The following ANKS1B variants were observed in gnomAD, a reference collection of about 807,000 sequenced individuals.
ANKS1B encodes the protein ankyrin repeat and sterile alpha motif domain containing 1B.
ANKS1B carries 36 observed loss-of-function variants against 148.3 expected under a neutral mutation model. The observed-to-expected ratio is 0.24, with a 90% CI of 0.19 to 0.32. ANKS1B has a LOEUF of 0.32. Among genes scored for constraint, ANKS1B ranks in the 10% least tolerant of loss-of-function variants. The pLI is 1.00. For missense variants in ANKS1B, 1,157 were observed against 1,542.6 expected, an observed-to-expected ratio of 0.75 and a Z score of 4.19; for synonymous variants, 542 against 560.8, an observed-to-expected ratio of 0.97 and a Z score of 0.47.
intron 12 of ANKS1B, among the ~76,000 whole-genome samples, chr12:99,276,827 A>C (rs1388006261): frequency 1.3e-5 from 2 of 152,232 alleles, no homozygotes; most frequent in African/African-American, 4.8e-5. Context: ...ATTGTGCTAC[A>C]TATCAGTCAG....
chr12:99,222,008 C>T (rs1022632980), intron 14 of ANKS1B, among the ~76,000 whole-genome samples: 6 of 151,926 alleles, frequency 3.9e-5, no homozygotes, highest in Non-Finnish European at 5.9e-5. Flanking sequence ...ATTCACACAA[C>T]TAAATACCAG....
At chr12:98,989,925 GAGAA>G (rs1194217532) in intron 17 of ANKS1B, among the ~76,000 whole-genome samples, 1 of 144,326 alleles carries the variant, frequency 6.9e-6, no homozygotes, top group Non-Finnish European at 1.5e-5. Flanking sequence ...AAGAAAGAAA[GAGAA>G]AGAAAGAGAA....
intron 9 of ANKS1B, among the ~76,000 whole-genome samples, chr12:99,580,668 T>G (rs2097561972): frequency 6.6e-6 from 1 of 152,186 alleles, no homozygotes; most frequent in Non-Finnish European, 1.5e-5. Flanking sequence ...AGGAATAAGT[T>G]CTATTGTTCA....
rs71782750 is a variant in ANKS1B at position 98,957,311 on chromosome 12, ATATTTATTTATT to A, written c.2778+95834_2778+95845del. 6.1e-3 allele frequency among the ~76,000 whole-genome samples: 875 copies of A among 143,926 alleles called. 9 individuals carry two copies. Among genetic ancestry groups the A allele is most frequent in the African/African-American group, 0.013 (497 of 39,482 alleles). 94.4% of individuals were successfully genotyped at this position (143,926 alleles called of 152,430 possible). On this transcript the variant is annotated intron_variant, in intron 17 of 26. Transcript: ENST00000683438. Reference sequence around the variant, plus strand: ...GTGGATGCTCCAGGATTTTTTTTAAATATTTATTTATTTATTTATTTATTTATTTATTTATTT... The same window carrying A: ...GTGGATGCTCCAGGATTTTTTTTAAATATTTATTTATTTATTTATTTATTT...
intron 9 of ANKS1B, among the ~76,000 whole-genome samples, chr12:99,520,575 A>T (rs2096865300): frequency 6.6e-6 from 1 of 151,860 alleles, no homozygotes; most frequent in East Asian, 1.9e-4. Flanking sequence ...ATCTGCTTGC[A>T]TTCTATAATC....
At chr12:98,946,069 C>T (rs931238015) in intron 17 of ANKS1B, among the ~76,000 whole-genome samples, 1 of 152,180 alleles carries the variant, frequency 6.6e-6, no homozygotes, top group Non-Finnish European at 1.5e-5. Flanking sequence ...TCCCTATTCC[C>T]AGTGAGGCAA....
At chr12:98,767,239 C>G (rs1486110796) in intron 25 of ANKS1B, among the ~76,000 whole-genome samples, 2 of 152,180 alleles carry the variant, frequency 1.3e-5, no homozygotes, top group Non-Finnish European at 2.9e-5. Flanking sequence ...TAGTGTTTTT[C>G]TTGCCCCACA....
intron 9 of ANKS1B, among the ~76,000 whole-genome samples, chr12:99,534,339 T>G (rs372449716): frequency 6.6e-6 from 1 of 152,242 alleles, no homozygotes; most frequent in South Asian, 2.1e-4. Context: ...TTATACAAAT[T>G]ACAGTCACCA....
intron 12 of ANKS1B, among the ~76,000 whole-genome samples, chr12:99,344,159 T>C (rs921692832): frequency 2.0e-5 from 3 of 152,026 alleles, no homozygotes; most frequent in Non-Finnish European, 2.9e-5. Context: ...ACCATTCCCC[T>C]GCTGTGAACT....
At chr12:98,859,469 T>C (rs897720699) in intron 17 of ANKS1B, among the ~76,000 whole-genome samples, 114 of 152,316 alleles carry the variant, frequency 7.5e-4, no homozygotes, top group Middle Eastern at 3.4e-3. Flanking sequence ...GAGCCACAAA[T>C]AAGCCATTAT....
At chr12:99,304,242 G>GTGT (rs2082051081) in intron 12 of ANKS1B, among the ~76,000 whole-genome samples, 1 of 152,110 alleles carries the variant, frequency 6.6e-6, no homozygotes, top group African/African-American at 2.4e-5. Flanking sequence ...CAGTGTAGAA[G>GTGT]TGTTCCCTTT....
chr12:98,751,225 G>A lies in ANKS1B; in HGVS notation c.3747+130C>T, dbSNP rs1196371898. 6 of 924,146 alleles carry A rather than the reference G, an allele frequency of 6.5e-6. No homozygotes were observed. The highest frequency in any genetic ancestry group is 1.7e-5 in the African/African-American group (1 of 59,378). The allele number at this position is 924,146 out of a possible 1,614,324, so 57.2% of individuals were successfully genotyped here. ...AGGTGATGATGGACACATGCCAGGA[G>A]GAGGCCAAGGGAAAGGATGAAGAAG... On this transcript the variant is annotated intron_variant, in intron 26 of 26. Transcript: ENST00000683438. This position sits in a 1 kb window ranked among gnomAD's most constrained non-coding sequence, Gnocchi z 4.3.
intron 8 of ANKS1B, among the ~76,000 whole-genome samples, chr12:99,756,986 T>A (rs370359588): frequency 6.6e-5 from 10 of 151,370 alleles, no homozygotes; most frequent in South Asian, 2.1e-4. Context: ...CCCAAAACTA[T>A]AAAAAAAATC....
chr12:99,178,508 T>C (rs1049088417), intron 14 of ANKS1B, among the ~76,000 whole-genome samples: 9 of 152,180 alleles, frequency 5.9e-5, no homozygotes, highest in Admixed American at 3.3e-4. Context: ...TATGTTGCAA[T>C]TGAAGAGGGC....
At chr12:99,837,031 T>C (rs1028577378) in intron 1 of ANKS1B, among the ~76,000 whole-genome samples, 1 of 152,106 alleles carries the variant, frequency 6.6e-6, no homozygotes, top group African/African-American at 2.4e-5. Flanking sequence ...ACATTGCTAA[T>C]CAGCTGGCTT....
intron 17 of ANKS1B, among the ~76,000 whole-genome samples, chr12:98,865,223 C>T (rs973684148): frequency 6.6e-6 from 1 of 152,166 alleles, no homozygotes; most frequent in Non-Finnish European, 1.5e-5. Flanking sequence ...TATCTTCAGA[C>T]TCTCGATCTT....
intron 9 of ANKS1B, among the ~76,000 whole-genome samples, chr12:99,632,344 G>A (rs2153400478): frequency 6.6e-6 from 1 of 152,204 alleles, no homozygotes; most frequent in South Asian, 2.1e-4. Flanking sequence ...TACAGGAAAG[G>A]AGTGACCACA....
At chr12:99,488,451 A>G (rs181784200) in intron 10 of ANKS1B, among the ~76,000 whole-genome samples, 104 of 152,148 alleles carry the variant, frequency 6.8e-4, no homozygotes, top group African/African-American at 2.4e-3. Flanking sequence ...TATTTTCCTA[A>G]TTTTTAGTGG....
intron 11 of ANKS1B, among the ~76,000 whole-genome samples, chr12:99,405,016 A>G (rs1386699547): frequency 6.8e-6 from 1 of 146,082 alleles, no homozygotes; most frequent in Admixed American, 6.8e-5. Flanking sequence ...AAAGTGCTGG[A>G]GGAAAAAATG....
Sources: allele counts gnomAD v4.1 joint callset (sites outside exome capture counted in the v4.1 genomes callset), GRCh38; gene constraint gnomAD v4.1.1; non-coding constraint Gnocchi (gnomAD v3.1); transcripts MANE v1.5; gene names NCBI Gene and HGNC (gene_info 2026-07-23, HGNC 2026-07-21).